Variants in DGKB observed in about 807,000 individuals in gnomAD.
DGKB encodes diacylglycerol kinase beta.
Under a neutral mutation model 114.3 loss-of-function variants are expected in DGKB, and 67 were observed. The ratio of observed to expected loss-of-function variants is 0.59; its 90% CI spans 0.48 to 0.72. DGKB has a LOEUF of 0.72. Among genes scored for constraint, DGKB ranks in the 30% least tolerant of loss-of-function variants. DGKB has a pLI of 0.00. For synonymous variants in DGKB, 398 were observed against 323.1 expected (o/e 1.23, Z -2.49); for missense variants, 907 against 975.2 (o/e 0.93, Z 0.93).
chr7:14,759,258 G>A (rs984244026), intron 2 of DGKB, among the ~76,000 whole-genome samples: 4 of 152,218 alleles, frequency 2.6e-5, no homozygotes, highest in East Asian at 1.9e-4. Context: ...GATAAAATTC[G>A]TGTCACATAA....
chr7:14,240,676 C>A (rs1374625580), intron 23 of DGKB, among the ~76,000 whole-genome samples: 1 of 152,038 alleles, frequency 6.6e-6, no homozygotes, highest in African/African-American at 2.4e-5. Flanking sequence ...TAGTTTCTGC[C>A]ATGTGGGTCT....
chr7:14,485,055 C>T (rs149537216), intron 20 of DGKB, among the ~76,000 whole-genome samples: 163 of 150,356 alleles, frequency 1.1e-3, no homozygotes, highest in African/African-American at 3.8e-3. Flanking sequence ...TAATCTGAGT[C>T]CTATGGGGAA....
chr7:14,744,834 T>C (rs994369842), intron 4 of DGKB, among the ~76,000 whole-genome samples: 2 of 152,234 alleles, frequency 1.3e-5, no homozygotes, highest in African/African-American at 4.8e-5. Context: ...TTAGTTGTTT[T>C]GAATTTTTTT....
At chr7:14,457,402 TA>T (rs1832436092) in intron 21 of DGKB, among the ~76,000 whole-genome samples, 1 of 152,178 alleles carries the variant, frequency 6.6e-6, no homozygotes, top group African/African-American at 2.4e-5. Flanking sequence ...CAAGATTTGT[TA>T]AAATGCTCTT....
At position 14,194,247 on chromosome 7, in the gene DGKB, C is replaced by T. The variant is rs149024335; in HGVS notation, c.2123-16096G>A. Among the ~76,000 whole-genome samples the T allele has an allele frequency of 7.2e-3, 1,090 of 152,262 alleles. 18 individuals are homozygous for T. Among genetic ancestry groups the T allele is most frequent in the African/African-American group, 0.025 (1,041 of 41,552 alleles). On this transcript the variant is annotated intron_variant, in intron 23 of 25. Transcript: ENST00000402815. ...CAGCACGTCAAAAGAGATATCTGTA[C>T]TCTCAACTTCTGTAGCACTATTTAT... is the stretch of plus-strand genomic sequence containing the variant.
At chr7:14,872,686 T>C (rs1370790120) in intron 1 of DGKB, among the ~76,000 whole-genome samples, 4 of 152,046 alleles carry the variant, frequency 2.6e-5, no homozygotes, top group Admixed American at 1.3e-4. Flanking sequence ...CATTAGATAC[T>C]GTGCGGCCTC....
At chr7:14,181,818 A>T (rs1156501678) in intron 23 of DGKB, among the ~76,000 whole-genome samples, 1 of 152,238 alleles carries the variant, frequency 6.6e-6, no homozygotes, top group Non-Finnish European at 1.5e-5. Flanking sequence ...ACGTTTCTGA[A>T]AGCATTTATA....
chr7:14,261,953 T>C (rs1796838125), intron 23 of DGKB, among the ~76,000 whole-genome samples: 1 of 152,228 alleles, frequency 6.6e-6, no homozygotes, highest in Non-Finnish European at 1.5e-5. Flanking sequence ...TAACAGCAAG[T>C]CATGATAATA....
chr7:14,729,330 G>T (rs957061480), intron 5 of DGKB, among the ~76,000 whole-genome samples: 1 of 151,678 alleles, frequency 6.6e-6, no homozygotes, highest in Non-Finnish European at 1.5e-5. Flanking sequence ...CACCGTGTTA[G>T]CCAGGATGGT....
intron 1 of DGKB, among the ~76,000 whole-genome samples, chr7:14,911,374 A>AT (rs964837008): frequency 1.3e-5 from 2 of 151,868 alleles, no homozygotes; most frequent in Non-Finnish European, 2.9e-5. Flanking sequence ...TTCTATTTTC[A>AT]TTTTTTTATT....
chr7:14,611,264 T>A (rs748673745), intron 16 of DGKB, among the ~76,000 whole-genome samples: 6 of 152,166 alleles, frequency 3.9e-5, no homozygotes, highest in Non-Finnish European at 8.8e-5. Flanking sequence ...TCTATTTATG[T>A]CCCTGCCTCT....
chr7:14,899,619 A>ATT (rs1782664824), intron 1 of DGKB, among the ~76,000 whole-genome samples: 1 of 151,992 alleles, frequency 6.6e-6, no homozygotes, highest in South Asian at 2.1e-4. Flanking sequence ...ATTATCTTCC[A>ATT]TTTCCTTCCT....
chr7:14,581,490 C>G (rs955609024), intron 18 of DGKB, among the ~76,000 whole-genome samples: 6 of 152,132 alleles, frequency 3.9e-5, no homozygotes, highest in African/African-American at 1.4e-4. Flanking sequence ...TGGAACACAA[C>G]GTTAACAGCT....
At chr7:14,834,077 G>A (rs1846807211) in intron 2 of DGKB, among the ~76,000 whole-genome samples, 1 of 152,142 alleles carries the variant, frequency 6.6e-6, no homozygotes, top group African/African-American at 2.4e-5. Context: ...AATGTGGAAA[G>A]TGGTAACTAA....
At chr7:14,954,510 C>A (rs1786389404) in intron 1 of DGKB, among the ~76,000 whole-genome samples, 1 of 151,910 alleles carries the variant, frequency 6.6e-6, no homozygotes, top group African/African-American at 2.4e-5. Context: ...AAAATTACTC[C>A]AGCCACTGAA....
intron 25 of DGKB, among the ~76,000 whole-genome samples, chr7:14,163,869 C>T (rs1784256734): frequency 6.6e-6 from 1 of 152,034 alleles, no homozygotes; most frequent in South Asian, 2.1e-4. Flanking sequence ...GCGGCAGGTG[C>T]CTGTAATCTC....
chr7:14,384,400 G>C (rs1162038562), intron 21 of DGKB, among the ~76,000 whole-genome samples: 1 of 152,016 alleles, frequency 6.6e-6, no homozygotes, highest in African/African-American at 2.4e-5. Context: ...GTTACATATT[G>C]TCAGTGGCTG....
chr7:14,736,381 T>G (rs1010226633), intron 4 of DGKB, among the ~76,000 whole-genome samples, 187 bp from the exon 5 acceptor site: 25 of 152,170 alleles, frequency 1.6e-4, no homozygotes, highest in African/African-American at 5.8e-4. Context: ...ATGGGATATG[T>G]TTGTCTTACC....
At chr7:14,568,770 T>C (rs888879208) in intron 20 of DGKB, among the ~76,000 whole-genome samples, 7 of 152,340 alleles carry the variant, frequency 4.6e-5, no homozygotes, top group Non-Finnish European at 5.9e-5. Context: ...CCTCGGGCTT[T>C]CTAAAAATTG....
Sources: allele counts gnomAD v4.1 joint callset (sites outside exome capture counted in the v4.1 genomes callset), GRCh38; gene constraint gnomAD v4.1.1; transcripts MANE v1.5; gene names NCBI Gene and HGNC (gene_info 2026-07-23, HGNC 2026-07-21).